Variants in GALNT2 observed in about 807,000 individuals in gnomAD.
GALNT2 encodes the protein polypeptide N-acetylgalactosaminyltransferase 2.
In GALNT2, 31 loss-of-function variants were observed where a neutral mutation model predicts 81.4. The observed-to-expected ratio is 0.38, with a 90% CI of 0.29 to 0.51. The LOEUF (loss-of-function observed/expected upper bound fraction) is 0.51. Among genes scored for constraint, GALNT2 ranks in the 20% least tolerant of loss-of-function variants. The pLI is 0.87. For synonymous variants in GALNT2, 303 were observed against 287.4 expected (o/e 1.05, Z -0.55); for missense variants, 629 against 765.7 (o/e 0.82, Z 2.11).
intron 1 of GALNT2, among the ~76,000 whole-genome samples, chr1:230,130,540 A>C (rs1661334946): frequency 6.6e-6 from 1 of 152,194 alleles, no homozygotes; most frequent in Non-Finnish European, 1.5e-5. Flanking sequence ...TTTGGGGTTT[A>C]CTAGGGAGTC....
intron 1 of GALNT2, among the ~76,000 whole-genome samples, chr1:230,093,939 C>T (rs1019213121): frequency 6.6e-6 from 1 of 152,188 alleles, no homozygotes; most frequent in African/African-American, 2.4e-5. Context: ...CATGACAGTA[C>T]TTAATCTCTC....
At position 230,233,741 on chromosome 1, in the gene GALNT2, A is replaced by T. The variant is rs1664937360; in HGVS notation, c.375-2273A>T. Among the ~76,000 whole-genome samples the T allele has an allele frequency of 2.0e-5, 3 of 152,224 alleles. No individual in the cohort carries two copies. In the South Asian group the frequency reaches 6.2e-4, roughly 32 times the overall value. Reference sequence around the variant, plus strand: ...TCTTTATGTCAGCTGAAATAAACTGACAATAGATTAATAAATTTGTTATTA... The same window carrying T: ...TCTTTATGTCAGCTGAAATAAACTGTCAATAGATTAATAAATTTGTTATTA... On this transcript the variant is annotated intron_variant, in intron 3 of 15. Transcript: ENST00000366672.
At chr1:230,110,497 G>A (rs1244039456) in intron 1 of GALNT2, among the ~76,000 whole-genome samples, 3 of 152,198 alleles carry the variant, frequency 2.0e-5, no homozygotes, top group African/African-American at 7.2e-5. Context: ...TCTGACCTTT[G>A]CACTAAGTTT....
At position 230,275,262 on chromosome 1, in the gene GALNT2, ACAC is replaced by A. The variant is rs563945761; in HGVS notation, c.1560+702_1560+704del. On this transcript the variant is annotated intron_variant, in intron 15 of 15. Transcript: ENST00000366672. The surrounding 1 kb of genome is among the most constrained non-coding windows in gnomAD (Gnocchi z 5.5). ...AAACACCGCATATATACATATATAC[ACAC>A]CACATGTATACGTATATATAGATGC... Among the ~76,000 whole-genome samples the A allele has an allele frequency of 4.6e-5, 7 of 151,808 alleles. No homozygotes were observed. The highest frequency in any genetic ancestry group is 7.2e-5 in the African/African-American group (3 of 41,394).
At position 230,070,477 on chromosome 1, in the gene GALNT2, T is replaced by A. The variant is rs1306619273; in HGVS notation, c.126+3071T>A. Among the ~76,000 whole-genome samples the A allele has an allele frequency of 6.6e-6, 1 of 152,178 alleles. No homozygotes were observed. Among genetic ancestry groups the A allele is most frequent in the Non-Finnish European group, 1.5e-5 (1 of 68,038 alleles). On this transcript the variant is annotated intron_variant, in intron 1 of 15. Coordinates refer to ENST00000366672, the MANE Select transcript of GALNT2 (RefSeq NM_004481.5). The surrounding 1 kb of genome is among the most constrained non-coding windows in gnomAD (Gnocchi z 4.7). ...AGGGTGGAAAGGGAAGGGTTTTCTC[T>A]CTGCTGTAAGAGTGTGTGGAGCCTG... is the stretch of plus-strand genomic sequence containing the variant.
At chr1:230,100,198 A>G (rs1660360915) in intron 1 of GALNT2, among the ~76,000 whole-genome samples, 1 of 152,112 alleles carries the variant, frequency 6.6e-6, no homozygotes, top group African/African-American at 2.4e-5. Flanking sequence ...ATTTTAAAAT[A>G]GAGCTAATAT....
rs190073992 is a variant in GALNT2, at chr1:230,275,761, T to C, written c.1560+1197T>C. ...TACAAACACCACATATATATACATA[T>C]ATACATACACCACAGATATATACAT... On this transcript the variant is annotated intron_variant, in intron 15 of 15. Transcript: ENST00000366672. The surrounding 1 kb of genome is among the most constrained non-coding windows in gnomAD (Gnocchi z 5.5). 2.5e-3 allele frequency among the ~76,000 whole-genome samples: 371 copies of C among 151,148 alleles called. 5 individuals carry two copies. The highest frequency in any genetic ancestry group is 4.0e-3 in the Non-Finnish European group (271 of 67,746).
intron 15 of GALNT2, among the ~76,000 whole-genome samples, chr1:230,278,760 AC>A (rs1465147927): frequency 6.6e-6 from 1 of 152,164 alleles, no homozygotes; most frequent in African/African-American, 2.4e-5. Context: ...TGTTCAAACA[AC>A]CATCTCTCTT....
intron 1 of GALNT2, among the ~76,000 whole-genome samples, chr1:230,127,024 C>T (rs775866334): frequency 2.6e-5 from 4 of 152,120 alleles, no homozygotes; most frequent in Non-Finnish European, 5.9e-5. Flanking sequence ...GTGGGGGGAG[C>T]GTCTCCCCTC....
Position 230,279,734 on chromosome 1 carries a change from C to T in GALNT2, c.*276C>T, listed in dbSNP as rs1334950912. On this transcript the variant is annotated 3_prime_UTR_variant, in exon 16 of 16. Transcript: ENST00000366672. This position sits in a 1 kb window ranked among gnomAD's most constrained non-coding sequence, Gnocchi z 4.6. ...TCTTCCTTCCAGCTTTCACTTCTGC[C>T]GGCTCCGCAACTGAGTGACACCCAG... 1 of 525,366 alleles carries T rather than the reference C, an allele frequency of 1.9e-6. No individual in the cohort carries two copies. The highest frequency in any genetic ancestry group is 3.6e-6 in the Non-Finnish European group (1 of 278,358). The allele number at this position is 525,366 out of a possible 1,614,324, so 32.5% of individuals were successfully genotyped here.
At chr1:230,188,659 C>G (rs1244196335) in intron 2 of GALNT2, among the ~76,000 whole-genome samples, 1 of 152,142 alleles carries the variant, frequency 6.6e-6, no homozygotes, top group African/African-American at 2.4e-5. Flanking sequence ...TCCCCCCACC[C>G]TCATACCACA....
intron 1 of GALNT2, among the ~76,000 whole-genome samples, chr1:230,086,020 C>T (rs146202674): frequency 1.3e-5 from 2 of 152,336 alleles, no homozygotes; most frequent in East Asian, 3.9e-4. Flanking sequence ...GCTTGCTGAC[C>T]TGCCTGGTTA....
chr1:230,117,410 C>A (rs1477849828), intron 1 of GALNT2, among the ~76,000 whole-genome samples: 1 of 152,250 alleles, frequency 6.6e-6, no homozygotes, highest in African/African-American at 2.4e-5. Flanking sequence ...TTTGCATTCA[C>A]ACTCAGCTAA....
intron 2 of GALNT2, among the ~76,000 whole-genome samples, chr1:230,198,021 C>A (rs564983984): frequency 9.2e-5 from 14 of 152,342 alleles, no homozygotes; most frequent in Admixed American, 2.0e-4. Context: ...CGGCGCAAGA[C>A]CACAGCACGT....
intron 1 of GALNT2, among the ~76,000 whole-genome samples, chr1:230,149,059 T>A (rs945231654): frequency 1.3e-5 from 2 of 152,104 alleles, no homozygotes; most frequent in Admixed American, 6.5e-5. Flanking sequence ...TTTTGCATTT[T>A]TTGTAGAGAC....
At chr1:230,084,773 G>A (rs1659850096) in intron 1 of GALNT2, among the ~76,000 whole-genome samples, 1 of 152,172 alleles carries the variant, frequency 6.6e-6, no homozygotes, top group South Asian at 2.1e-4. Context: ...TTTTCTGCTG[G>A]GATCTGCGTG....
At chr1:230,235,929 C>T (rs946144295) in intron 3 of GALNT2, 85 bp from the exon 4 acceptor site, 3 of 1,229,772 alleles carry the variant, frequency 2.4e-6, no homozygotes, top group South Asian at 1.3e-5. Flanking sequence ...CCCAGTTGGT[C>T]AGTCTGCCTG....
chr1:230,117,414 C>T (rs1247457130), intron 1 of GALNT2, among the ~76,000 whole-genome samples: 2 of 152,244 alleles, frequency 1.3e-5, no homozygotes, highest in African/African-American at 4.8e-5. Context: ...CATTCACACT[C>T]AGCTAACTGG....
At chr1:230,108,957 A>G (rs556989651) in intron 1 of GALNT2, among the ~76,000 whole-genome samples, 1 of 152,348 alleles carries the variant, frequency 6.6e-6, no homozygotes, top group South Asian at 2.1e-4. Context: ...AAGTCGAGCC[A>G]TGGTAAGTTG....
Sources: gnomAD v4.1 joint callset for allele counts (sites outside exome capture counted in the v4.1 genomes callset) on GRCh38, gnomAD v4.1.1 for gene constraint, Gnocchi (gnomAD v3.1) non-coding constraint, MANE v1.5 for transcripts, NCBI Gene and HGNC (gene_info 2026-07-23, HGNC 2026-07-21) for gene names.